ADAM18: variants seen among roughly 807,000 people sequenced by gnomAD.
The protein encoded by ADAM18 is ADAM metallopeptidase domain 18.
A neutral mutation model predicts 94.4 loss-of-function variants in ADAM18; 117 were observed. The observed-to-expected ratio is 1.24, with a 90% CI of 1.07 to 1.45. The LOEUF is 1.45. Among genes scored for constraint, ADAM18 ranks in the 40% most tolerant of loss-of-function variants. The pLI, the probability that ADAM18 is intolerant of heterozygous loss-of-function variation, is 0.00. For synonymous variants in ADAM18, 327 were observed against 291.6 expected (o/e 1.12, Z -1.24); for missense variants, 936 against 880.0 (o/e 1.06, Z -0.81).
chr8:39,598,260 C>T (rs1818798233), intron 2 of ADAM18, among the ~76,000 whole-genome samples: 1 of 151,870 alleles, frequency 6.6e-6, no homozygotes, highest in South Asian at 2.1e-4. Flanking sequence ...TATACCTTTT[C>T]TTATTGCATT....
At chr8:39,673,361 C>T (rs574846860) in intron 14 of ADAM18, among the ~76,000 whole-genome samples, 2 of 152,206 alleles carry the variant, frequency 1.3e-5, no homozygotes, top group Non-Finnish European at 2.9e-5. Context: ...GGTACATGTG[C>T]ACAACGTGCA....
chr8:39,693,342 T>C (rs562166436), intron 17 of ADAM18, among the ~76,000 whole-genome samples: 1 of 151,640 alleles, frequency 6.6e-6, no homozygotes, highest in African/African-American at 2.4e-5. Flanking sequence ...AAAATGCTAC[T>C]ACATTGTCAG....
At chr8:39,669,867 C>G (rs1330637525) in intron 14 of ADAM18, among the ~76,000 whole-genome samples, 1 of 152,142 alleles carries the variant, frequency 6.6e-6, no homozygotes, top group East Asian at 1.9e-4. Flanking sequence ...ATTTCTAGTT[C>G]TAGATCCCTG....
At chr8:39,681,281 C>A (rs73607988) in intron 16 of ADAM18, among the ~76,000 whole-genome samples, 10,562 of 152,104 alleles carry the variant, frequency 0.069, 1,116 homozygotes, top group African/African-American at 0.23. Context: ...AAATCTGAGG[C>A]CCTCAGTTCA....
chr8:39,696,475 G>A (rs541711091), intron 17 of ADAM18, among the ~76,000 whole-genome samples: 5 of 151,372 alleles, frequency 3.3e-5, no homozygotes, highest in African/African-American at 1.2e-4. Flanking sequence ...TTTCCCTTAT[G>A]TTTATCTCTA....
At chr8:39,639,806 A>G (rs891983665) in intron 10 of ADAM18, among the ~76,000 whole-genome samples, 1 of 151,868 alleles carries the variant, frequency 6.6e-6, no homozygotes, top group Admixed American at 6.6e-5. Flanking sequence ...CCTTTCTTGG[A>G]GACATTCTGG....
At chr8:39,591,468 A>G (rs1298251830) in intron 2 of ADAM18, among the ~76,000 whole-genome samples, 1 of 152,216 alleles carries the variant, frequency 6.6e-6, no homozygotes, top group African/African-American at 2.4e-5. Context: ...TACTAGGAGT[A>G]GATTCCATCT....
At chr8:39,655,054 A>C (rs1252066410) in intron 12 of ADAM18, among the ~76,000 whole-genome samples, 1 of 151,780 alleles carries the variant, frequency 6.6e-6, no homozygotes, top group Non-Finnish European at 1.5e-5. Context: ...AATCCCATCC[A>C]TTTTTACTTT....
intron 14 of ADAM18, among the ~76,000 whole-genome samples, chr8:39,675,677 G>A (rs1156841724): frequency 6.6e-6 from 1 of 152,188 alleles, no homozygotes; most frequent in African/African-American, 2.4e-5. Context: ...CTGGCGAGGA[G>A]CTGTGATCCT....
At chr8:39,611,187 G>A (rs901500692) in intron 6 of ADAM18, 5 of 742,966 alleles carry the variant, frequency 6.7e-6, no homozygotes, top group African/African-American at 5.8e-5. Flanking sequence ...TCACCATGTG[G>A]CCTCTGTTTT....
intron 14 of ADAM18, among the ~76,000 whole-genome samples, chr8:39,671,917 C>A (rs1448271988): frequency 1.3e-5 from 2 of 152,158 alleles, no homozygotes; most frequent in African/African-American, 4.8e-5. Flanking sequence ...GTTCTGAGAA[C>A]CTGATCATGA....
At chr8:39,649,391 T>A (rs1207806879) in intron 12 of ADAM18, among the ~76,000 whole-genome samples, 1 of 152,164 alleles carries the variant, frequency 6.6e-6, no homozygotes, top group Non-Finnish European at 1.5e-5. Flanking sequence ...TATATATATA[T>A]ATATGTTTCC....
rs373829884 is a variant in ADAM18 at position 39,645,369 on chromosome 8, C to T, written c.941C>T (p.Ser314Leu). ...GATGCAATAGGTTTGGAGGGATTTT[C>T]GGTTATTATAGCTCAACTGCTTGGC... ...YPDAIGLEGFSVIIAQLLGLN... is the reference protein window; with the variant it reads ...YPDAIGLEGFLVIIAQLLGLN... The change falls in exon 11 of 20, where the codon TCG becomes TTG. Residue 314 changes from serine to leucine, a missense_variant. Transcript: ENST00000265707. The T allele has an allele frequency of 9.3e-6, 15 of 1,611,164 alleles. No homozygotes were observed. The highest frequency in any genetic ancestry group is 3.3e-4 in the Middle Eastern group (2 of 6,066).
intron 6 of ADAM18, among the ~76,000 whole-genome samples, chr8:39,621,543 A>G (rs1819614310): frequency 6.6e-6 from 1 of 151,928 alleles, no homozygotes; most frequent in South Asian, 2.1e-4. Context: ...AGTTAATTTT[A>G]TTGCAGGTAA....
rs1563263632 is a variant in ADAM18, at chr8:39,586,806, C to CTATCTA, written c.132+1456_132+1461dup. Among the ~76,000 whole-genome samples, 783 of 114,704 alleles carry CTATCTA rather than the reference C, an allele frequency of 6.8e-3. 1 individual carries two copies. Among genetic ancestry groups the CTATCTA allele is most frequent in the Middle Eastern group, 0.03 (7 of 236 alleles). The allele number at this position is 114,704 out of a possible 152,430, so 75.3% of individuals were successfully genotyped here. A position where few individuals can be genotyped will look rare whatever the true frequency, so the allele number is the denominator to read the frequency against. On this transcript the variant is annotated intron_variant, in intron 2 of 19. Coordinates refer to ENST00000265707, the MANE Select transcript of ADAM18 (RefSeq NM_014237.3). Reference sequence around the variant, plus strand: ...TATCTATCTATCTATCTATCTATATCTATCTATCTATCATCTATTCTGTTT... The same window carrying CTATCTA: ...TATCTATCTATCTATCTATCTATATCTATCTATATCTATCTATCATCTATTCTGTTT...
At chr8:39,709,593 A>G (rs890268952) in intron 18 of ADAM18, among the ~76,000 whole-genome samples, 53 of 152,272 alleles carry the variant, frequency 3.5e-4, no homozygotes, top group Non-Finnish European at 8.8e-5. Flanking sequence ...CTACTTATTG[A>G]TTCAATTATT....
chr8:39,607,827 C>G (rs1343053063), intron 3 of ADAM18, among the ~76,000 whole-genome samples: 4 of 150,300 alleles, frequency 2.7e-5, no homozygotes, highest in Admixed American at 2.6e-4. Context: ...TTTTTTTTCC[C>G]CCTAGCTATA....
chr8:39,676,360 C>G (rs752618856), intron 14 of ADAM18, among the ~76,000 whole-genome samples: 23 of 152,360 alleles, frequency 1.5e-4, no homozygotes, highest in Non-Finnish European at 2.6e-4. Flanking sequence ...ATGGCTGATA[C>G]CCCTCCCCCA....
At chr8:39,703,578 T>C (rs1231363403) in intron 17 of ADAM18, among the ~76,000 whole-genome samples, 1 of 152,142 alleles carries the variant, frequency 6.6e-6, no homozygotes, top group Non-Finnish European at 1.5e-5. Context: ...GGGGAAATGC[T>C]TCCAGCTTTT....
Sources: gnomAD v4.1 joint callset for allele counts (sites outside exome capture counted in the v4.1 genomes callset) on GRCh38, gnomAD v4.1.1 for gene constraint, MANE v1.5 for transcripts, NCBI Gene and HGNC (gene_info 2026-07-23, HGNC 2026-07-21) for gene names.